PCDH9: variants seen among roughly 807,000 people sequenced by gnomAD.
The protein encoded by PCDH9 is protocadherin-9.
PCDH9 carries 24 observed loss-of-function variants against 70.6 expected under a neutral mutation model. The ratio of observed to expected loss-of-function variants is 0.34; its 90% confidence interval spans 0.25 to 0.48. PCDH9 has a LOEUF of 0.48. PCDH9 is among the 20% of genes least tolerant of loss of function. PCDH9 has a pLI of 0.99. For missense variants in PCDH9, 1,281 were observed against 1,503.6 expected, an observed-to-expected ratio of 0.85 and a Z score of 2.45; for synonymous variants, 562 against 558.5, an observed-to-expected ratio of 1.01 and a Z score of -0.09.
intron 2 of PCDH9, chr13:67,220,632 G>A (rs2089703632): frequency 6.6e-6 from 1 of 151,942 alleles, no homozygotes; most frequent in East Asian, 1.9e-4. Flanking sequence ...AGGATGACTG[G>A]TCTGAAACTA....
rs367868378 is a variant in PCDH9 at position 66,841,359 on chromosome 13, C to T, written c.3138+62145G>A. On this transcript the variant is annotated intron_variant, in intron 3 of 4. Transcript: ENST00000377865. Reference sequence around the variant, plus strand: ...GAAAATTATGTGATTTCCCCCCACGCTTGTTTTTCATGTTTAACTAAGTGA... The same window carrying T: ...GAAAATTATGTGATTTCCCCCCACGTTTGTTTTTCATGTTTAACTAAGTGA... Among the ~76,000 whole-genome samples the T allele has an allele frequency of 9.2e-5, 14 of 152,212 alleles. 1 individual carries two copies. Among genetic ancestry groups the T allele is most frequent in the African/African-American group, 3.1e-4 (13 of 41,522 alleles).
intron 2 of PCDH9, among the ~76,000 whole-genome samples, chr13:67,178,556 G>A (rs940758450): frequency 2.6e-5 from 4 of 151,974 alleles, no homozygotes; most frequent in Non-Finnish European, 5.9e-5. Flanking sequence ...TTCATAACTT[G>A]AGCCTTGAAT....
At chr13:67,208,705 T>A (rs1273316506) in intron 2 of PCDH9, 1 of 152,158 alleles carries the variant, frequency 6.6e-6, no homozygotes, top group African/African-American at 2.4e-5. Flanking sequence ...CTGTTGGTCA[T>A]GTTTGAATAT....
At chr13:67,060,011 G>T (rs989435617) in intron 2 of PCDH9, among the ~76,000 whole-genome samples, 1 of 151,740 alleles carries the variant, frequency 6.6e-6, no homozygotes, top group African/African-American at 2.4e-5. Context: ...GTATGAGGGG[G>T]TGTGGCTCTA....
rs1449458814 is a variant in PCDH9 at position 67,028,120 on chromosome 13, A to G, written c.3037-124515T>C. Reference sequence around the variant, plus strand: ...TGCTGCTATAAAGACACATGCACACATATGTTTCTTGCGGCACTATTCACA... The same window carrying G: ...TGCTGCTATAAAGACACATGCACACGTATGTTTCTTGCGGCACTATTCACA... On this transcript the variant is annotated intron_variant, in intron 2 of 4. Transcript: ENST00000377865. Among the ~76,000 whole-genome samples the G allele has an allele frequency of 3.9e-4, 59 of 149,918 alleles. 1 individual carries two copies. Among genetic ancestry groups the G allele is most frequent in the East Asian group, 3.6e-3 (18 of 4,942 alleles).
chr13:66,988,642 T>A, intron 2 of PCDH9, among the ~76,000 whole-genome samples: 1 of 152,070 alleles, frequency 6.6e-6, no homozygotes, highest in Non-Finnish European at 1.5e-5. Flanking sequence ...AATAAAGGAA[T>A]CTGGAAATAA....
chr13:66,624,209 C>G (rs1296053831), intron 4 of PCDH9, among the ~76,000 whole-genome samples: 1 of 152,204 alleles, frequency 6.6e-6, no homozygotes, highest in East Asian at 1.9e-4. Context: ...CTTTCATCAT[C>G]CTAGTTATAT....
chr13:67,031,244 C>A (rs2084899639), intron 2 of PCDH9, among the ~76,000 whole-genome samples: 2 of 152,182 alleles, frequency 1.3e-5, no homozygotes, highest in East Asian at 3.9e-4. Context: ...TTGTAATCAG[C>A]AGTTATTTCT....
chr13:66,648,830 G>A (rs1243310946), intron 3 of PCDH9, among the ~76,000 whole-genome samples: 1 of 152,006 alleles, frequency 6.6e-6, no homozygotes, highest in African/African-American at 2.4e-5. Flanking sequence ...AATTCAAAAT[G>A]ACACAGAGAA....
chr13:67,123,678 T>A (rs1594542947), intron 2 of PCDH9, among the ~76,000 whole-genome samples: 2 of 152,144 alleles, frequency 1.3e-5, no homozygotes, highest in South Asian at 4.1e-4. Context: ...AACTAAACAT[T>A]CATAATTTTG....
At chr13:66,937,832 T>G (rs1566306033) in intron 2 of PCDH9, among the ~76,000 whole-genome samples, 1 of 139,202 alleles carries the variant, frequency 7.2e-6, no homozygotes, top group Non-Finnish European at 1.6e-5. Context: ...TTTTTTTTTT[T>G]GTCTATAAAT....
intron 4 of PCDH9, among the ~76,000 whole-genome samples, chr13:66,529,255 G>A (rs1158433055): frequency 1.3e-5 from 2 of 152,078 alleles, no homozygotes; most frequent in African/African-American, 4.8e-5. Flanking sequence ...CTGACAGGCT[G>A]AAAAGGACTT....
intron 4 of PCDH9, among the ~76,000 whole-genome samples, chr13:66,562,599 T>C (rs2076590418): frequency 6.6e-6 from 1 of 152,116 alleles, no homozygotes; most frequent in South Asian, 2.1e-4. Context: ...TTGTGGGACA[T>C]ATTCACTAAC....
At position 66,884,781 on chromosome 13, in the gene PCDH9, T is replaced by G. The variant is rs1237286350; in HGVS notation, c.3138+18723A>C. On this transcript the variant is annotated intron_variant, in intron 3 of 4. Transcript: ENST00000377865. ...TAATTGATTTAAGTTTTATCTTCTT[T>G]TTCATCTCCCAAAACATTACTGCAT... Among the ~76,000 whole-genome samples the G allele has an allele frequency of 5.9e-5, 9 of 152,154 alleles. No individual in the cohort carries two copies. The South Asian group carries it at 1.2e-3, about 21-fold the overall frequency.
intron 4 of PCDH9, among the ~76,000 whole-genome samples, chr13:66,461,432 T>C (rs1300842774): frequency 1.3e-5 from 2 of 151,764 alleles, no homozygotes; most frequent in East Asian, 3.9e-4. Context: ...GAAATAATAT[T>C]GAACTTGAAA....
intron 2 of PCDH9, among the ~76,000 whole-genome samples, chr13:67,115,913 A>G (rs1313926968): frequency 6.6e-6 from 1 of 152,224 alleles, no homozygotes; most frequent in African/African-American, 2.4e-5. Flanking sequence ...TTATCAACTT[A>G]AAGAATGGTA....
chr13:66,710,362 C>A (rs2078775989), intron 3 of PCDH9, among the ~76,000 whole-genome samples: 1 of 152,066 alleles, frequency 6.6e-6, no homozygotes, highest in African/African-American at 2.4e-5. Flanking sequence ...AAAAATAACA[C>A]CTAACCTTTA....
At chr13:66,898,984 T>C (rs926217295) in intron 3 of PCDH9, among the ~76,000 whole-genome samples, 1 of 151,938 alleles carries the variant, frequency 6.6e-6, no homozygotes, top group Non-Finnish European at 1.5e-5. Context: ...TTGTCTTGAA[T>C]TAGGTAGAAA....
chr13:66,997,685 T>C (rs997028275), intron 2 of PCDH9, among the ~76,000 whole-genome samples: 1 of 151,940 alleles, frequency 6.6e-6, no homozygotes, highest in African/African-American at 2.4e-5. Context: ...CGGGCGCACA[T>C]CACCATGCCT....
Sources: gnomAD v4.1 joint callset for allele counts (sites outside exome capture counted in the v4.1 genomes callset) on GRCh38, gnomAD v4.1.1 for gene constraint, MANE v1.5 for transcripts, NCBI Gene and HGNC (gene_info 2026-07-23, HGNC 2026-07-21) for gene names.